Variants in PDZD2 observed in about 807,000 individuals in gnomAD.
PDZD2 encodes the protein PDZ domain-containing protein 2.
In PDZD2, 90 loss-of-function variants were observed where a neutral mutation model predicts 220.7. The observed-to-expected ratio is 0.41, with a 90% CI of 0.34 to 0.49. PDZD2 has a LOEUF of 0.49. PDZD2 is among the 20% of genes least tolerant of loss of function. PDZD2 has a pLI of 0.28. For missense variants in PDZD2, 3,174 were observed against 3,608.5 expected (o/e 0.88, Z 3.08); for synonymous variants, 1,375 against 1,450.5 (o/e 0.95, Z 1.18).
At chr5:31,939,101 A>G (rs778753041) in intron 2 of PDZD2, among the ~76,000 whole-genome samples, 25 of 152,250 alleles carry the variant, frequency 1.6e-4, no homozygotes, top group Non-Finnish European at 3.2e-4. Context: ...GGATGAAAAT[A>G]TGAAAAGTAT....
chr5:32,044,590 T>C (rs1315693394), intron 7 of PDZD2, among the ~76,000 whole-genome samples: 2 of 152,056 alleles, frequency 1.3e-5, no homozygotes, highest in East Asian at 3.9e-4. Context: ...ATTCAATACG[T>C]TTTTGGCAGC....
intron 2 of PDZD2, among the ~76,000 whole-genome samples, chr5:31,926,280 G>C (rs1032898331): frequency 4.6e-5 from 7 of 151,328 alleles, no homozygotes; most frequent in African/African-American, 1.7e-4. Context: ...TGTAATCCCA[G>C]CACTTTGGAA....
At chr5:31,884,101 T>A (rs1740199361) in intron 2 of PDZD2, among the ~76,000 whole-genome samples, 2 of 152,160 alleles carry the variant, frequency 1.3e-5, no homozygotes, top group Non-Finnish European at 1.5e-5. Flanking sequence ...TAATCCCAAC[T>A]ACTCAGGAGG....
chr5:32,024,419 A>G (rs1193599689), intron 6 of PDZD2, among the ~76,000 whole-genome samples: 1 of 152,196 alleles, frequency 6.6e-6, no homozygotes, highest in Non-Finnish European at 1.5e-5. Flanking sequence ...ATGGTGGCTC[A>G]TCCCTGTAAT....
intron 14 of PDZD2, among the ~76,000 whole-genome samples, chr5:32,067,858 A>G (rs544667296): frequency 1.3e-5 from 2 of 152,340 alleles, no homozygotes; most frequent in African/African-American, 4.8e-5. Context: ...GAAAACTTAT[A>G]GAAGCACTGT....
chr5:31,791,796 C>T (rs1201145993), intron 1 of PDZD2, among the ~76,000 whole-genome samples: 1 of 152,146 alleles, frequency 6.6e-6, no homozygotes, highest in Admixed American at 6.5e-5. Context: ...AAGTCCTTAA[C>T]GTCTGCTTCC....
At chr5:31,717,411 C>T (rs958820597) in intron 1 of PDZD2, among the ~76,000 whole-genome samples, 2 of 152,302 alleles carry the variant, frequency 1.3e-5, no homozygotes, top group African/African-American at 4.8e-5. Flanking sequence ...AATCATTGCC[C>T]TATTAAAAGC....
At chr5:31,718,294 A>G (rs1287166080) in intron 1 of PDZD2, among the ~76,000 whole-genome samples, 1 of 152,124 alleles carries the variant, frequency 6.6e-6, no homozygotes, top group Admixed American at 6.6e-5. Context: ...GTGGAGAATA[A>G]ACTGAGGCAA....
At chr5:31,692,376 T>C (rs1651064) in intron 1 of PDZD2, among the ~76,000 whole-genome samples, 113,828 of 152,210 alleles carry the variant, frequency 0.75, 43,355 homozygotes, top group East Asian at 0.93. Flanking sequence ...CTGAGGGAGC[T>C]AGCTCCGGCC....
In PDZD2 at chr5:32,090,238, T is replaced by TC; in HGVS notation, c.6792dup (p.Arg2265GlnfsTer9). 1 of 1,614,162 alleles carries TC rather than the reference T, an allele frequency of 6.2e-7. No individual in the cohort carries two copies. Among genetic ancestry groups the TC allele is most frequent in the South Asian group, 1.1e-5 (1 of 91,072 alleles). On this transcript the variant is annotated frameshift_variant, in exon 20 of 25. Coordinates refer to ENST00000438447, the MANE Select transcript of PDZD2 (RefSeq NM_178140.4). LOFTEE classifies it high-confidence loss of function. The surrounding 1 kb of genome is among the most constrained non-coding windows in gnomAD (Gnocchi z 4.3). The stretch of plus-strand genomic sequence containing the variant: ...CAGTGTTGTCCCCGAGGCAAAGGCA[T>TC]CCAGAGGTGGTCTTCCCAGCCTGGC...
chr5:31,675,103 A>G (rs1167180993), intron 1 of PDZD2, among the ~76,000 whole-genome samples: 1 of 152,174 alleles, frequency 6.6e-6, no homozygotes, highest in African/African-American at 2.4e-5. Context: ...GGACCCAGAA[A>G]CCCTCAGATC....
intron 7 of PDZD2, among the ~76,000 whole-genome samples, chr5:32,039,309 G>A (rs1053938418): frequency 1.7e-4 from 26 of 151,938 alleles, no homozygotes; most frequent in Middle Eastern, 3.4e-3. Context: ...GTTTCGCCGC[G>A]TTGACCGGGC....
chr5:31,666,302 C>T (rs576580571), intron 1 of PDZD2, among the ~76,000 whole-genome samples: 25 of 152,290 alleles, frequency 1.6e-4, no homozygotes, highest in Admixed American at 1.6e-3. Flanking sequence ...ATGCATCTTC[C>T]AGTTCCAACA....
intron 1 of PDZD2, among the ~76,000 whole-genome samples, chr5:31,792,605 A>T (rs1206201953): frequency 6.6e-6 from 1 of 151,728 alleles, no homozygotes; most frequent in African/African-American, 2.4e-5. Flanking sequence ...TTTAGTGGAG[A>T]CGGGGTTTCA....
intron 2 of PDZD2, among the ~76,000 whole-genome samples, chr5:31,925,555 A>G (rs1744676370): frequency 6.6e-6 from 1 of 152,176 alleles, no homozygotes; most frequent in African/African-American, 2.4e-5. Flanking sequence ...GGCCTTGGAA[A>G]AGAATTGATG....
intron 2 of PDZD2, among the ~76,000 whole-genome samples, chr5:31,859,313 C>G (rs916878803): frequency 2.6e-5 from 4 of 152,148 alleles, no homozygotes; most frequent in Admixed American, 6.5e-5. Flanking sequence ...TAAATTGGCT[C>G]TATCTGGGCA....
intron 6 of PDZD2, among the ~76,000 whole-genome samples, chr5:32,029,299 T>TAA (rs1165643154): frequency 7.3e-6 from 1 of 136,572 alleles, no homozygotes; most frequent in Non-Finnish European, 1.5e-5. Context: ...GGACCTTATT[T>TAA]AAATTTGCCA....
intron 1 of PDZD2, among the ~76,000 whole-genome samples, chr5:31,684,122 C>G (rs1326928651): frequency 6.6e-6 from 1 of 152,162 alleles, no homozygotes; most frequent in Non-Finnish European, 1.5e-5. Context: ...TTCATTGTAT[C>G]TTTTGCTGAT....
At chr5:31,798,358 G>A (rs1450328307) in intron 1 of PDZD2, among the ~76,000 whole-genome samples, 15 of 152,210 alleles carry the variant, frequency 9.9e-5, no homozygotes, top group Admixed American at 9.8e-4. Flanking sequence ...TTTAGGAATG[G>A]TGTTGCCCTG....
Sources: allele counts gnomAD v4.1 joint callset (sites outside exome capture counted in the v4.1 genomes callset), GRCh38; gene constraint gnomAD v4.1.1; non-coding constraint Gnocchi (gnomAD v3.1); transcripts MANE v1.5; gene names NCBI Gene and HGNC (gene_info 2026-07-23, HGNC 2026-07-21).